PLPP1: variants seen among roughly 807,000 people sequenced by gnomAD.
PLPP1 encodes lipid phosphate phosphohydrolase 1a.
A neutral mutation model predicts 31.2 loss-of-function variants in PLPP1; 24 were observed. The ratio of observed to expected loss-of-function variants is 0.77; its 90% CI spans 0.56 to 1.08. The LOEUF (loss-of-function observed/expected upper bound fraction) is 1.08, where lower values mean the gene tolerates loss of function less well. Ranked by LOEUF, PLPP1 falls within the 50% of genes least tolerant of loss-of-function variation. The pLI is 0.00. For missense variants in PLPP1, 319 were observed against 342.7 expected (o/e 0.93, Z 0.55); for synonymous variants, 146 against 126.3 (o/e 1.16, Z -1.05).
At chr5:55,434,788 T>C (rs1467435635) in intron 4 of PLPP1, among the ~76,000 whole-genome samples, 2 of 152,168 alleles carry the variant, frequency 1.3e-5, no homozygotes, top group Non-Finnish European at 2.9e-5. Flanking sequence ...ATGTAAGACC[T>C]GAAACGATAA....
chr5:55,497,278 C>T (rs1339688830), intron 1 of PLPP1, among the ~76,000 whole-genome samples: 1 of 152,102 alleles, frequency 6.6e-6, no homozygotes, highest in Admixed American at 6.5e-5. Context: ...CTGGGTCTTA[C>T]TCTGTCACCT....
intron 4 of PLPP1, among the ~76,000 whole-genome samples, chr5:55,430,053 G>A (rs971865810): frequency 5.9e-5 from 9 of 152,032 alleles, no homozygotes; most frequent in African/African-American, 1.9e-4. Flanking sequence ...GGGGCCTCAG[G>A]AAGGGACCAT....
At chr5:55,467,788 C>A (rs909914356) in intron 3 of PLPP1, 81 bp downstream of exon 3, 3 of 1,401,868 alleles carry the variant, frequency 2.1e-6, no homozygotes, top group Non-Finnish European at 2.9e-6. Context: ...TTTTTAAGTG[C>A]GTGGCTTATC....
intron 2 of PLPP1, among the ~76,000 whole-genome samples, chr5:55,471,238 G>C (rs1209801876): frequency 6.7e-5 from 9 of 135,246 alleles, no homozygotes; most frequent in Non-Finnish European, 1.4e-4. Context: ...GTCTTGCTCT[G>C]TCGCCCAGGC....
intron 1 of PLPP1, among the ~76,000 whole-genome samples, chr5:55,523,871 A>T (rs898876304): frequency 6.6e-6 from 1 of 152,092 alleles, no homozygotes; most frequent in African/African-American, 2.4e-5. Flanking sequence ...CCCTTTAGAG[A>T]GCCTTCATTG....
At position 55,534,566 on chromosome 5, in the gene PLPP1, A is replaced by G. The variant is rs1327304048; in HGVS notation, c.58+6T>C. Reference sequence around the variant, plus strand: ...ACGCCCCTCGGACCCGGCGGCGCGTACGTACCCAGCAACACGCAGAGCACA... The same window carrying G: ...ACGCCCCTCGGACCCGGCGGCGCGTGCGTACCCAGCAACACGCAGAGCACA... On this transcript the variant is annotated splice_donor_region_variant and intron_variant, in intron 1 of 5. Transcript: ENST00000307259. 6.5e-7 allele frequency: 1 copy of G among 1,539,724 alleles called. No homozygotes were observed. Among genetic ancestry groups the G allele is most frequent in the Non-Finnish European group, 8.7e-7 (1 of 1,145,232 alleles).
At chr5:55,432,265 T>A (rs1751376863) in intron 4 of PLPP1, among the ~76,000 whole-genome samples, 1 of 152,072 alleles carries the variant, frequency 6.6e-6, no homozygotes, top group Non-Finnish European at 1.5e-5. Flanking sequence ...TGCTAACTGC[T>A]GTGCATGAAC....
intron 1 of PLPP1, among the ~76,000 whole-genome samples, chr5:55,525,271 A>G (rs1226993463): frequency 6.6e-6 from 1 of 152,252 alleles, no homozygotes; most frequent in African/African-American, 2.4e-5. Flanking sequence ...GGCACTTTAC[A>G]TATTGATTCA....
chr5:55,528,500 AAGCT>A (rs1398807819), intron 1 of PLPP1, among the ~76,000 whole-genome samples: 1 of 152,218 alleles, frequency 6.6e-6, no homozygotes, highest in Non-Finnish European at 1.5e-5. Context: ...ACTGGCCACG[AAGCT>A]AGCCTTCCAT....
chr5:55,519,461 A>G (rs1753617799), intron 1 of PLPP1, among the ~76,000 whole-genome samples: 1 of 152,218 alleles, frequency 6.6e-6, no homozygotes, highest in South Asian at 2.1e-4. Context: ...ATTTTAAGAA[A>G]AAAGTGGCCA....
intron 3 of PLPP1, among the ~76,000 whole-genome samples, chr5:55,443,790 TGACA>T (rs547553503): frequency 3.3e-5 from 5 of 152,364 alleles, no homozygotes; most frequent in African/African-American, 9.6e-5. Context: ...GCTATGACTT[TGACA>T]GACAGGGATT....
chr5:55,456,237 G>A (rs1479316118), intron 3 of PLPP1, among the ~76,000 whole-genome samples: 2 of 152,180 alleles, frequency 1.3e-5, no homozygotes, highest in East Asian at 3.8e-4. Context: ...CACTACAACT[G>A]AAGTCCAGTA....
intron 3 of PLPP1, among the ~76,000 whole-genome samples, chr5:55,457,354 TTAAAAGTGCAATC>T (rs1177750634): frequency 6.6e-6 from 1 of 151,904 alleles, no homozygotes; most frequent in Non-Finnish European, 1.5e-5. Context: ...TATACTTAGG[TTAAAAGTGCAATC>T]AAAGTAACAG....
chr5:55,500,956 AG>A (rs1175843546), intron 1 of PLPP1, among the ~76,000 whole-genome samples: 1 of 152,224 alleles, frequency 6.6e-6, no homozygotes, highest in Non-Finnish European at 1.5e-5. Flanking sequence ...TATCTGAAAA[AG>A]TCCTACCTAT....
chr5:55,513,933 G>A (rs13157895), intron 1 of PLPP1, among the ~76,000 whole-genome samples: 119,263 of 152,082 alleles, frequency 0.78, 47,704 homozygotes, highest in Non-Finnish European at 0.87. Flanking sequence ...TGGGGATTGA[G>A]AGCACATTTT....
intron 1 of PLPP1, among the ~76,000 whole-genome samples, chr5:55,486,422 T>A (rs1405350165): frequency 1.3e-5 from 2 of 151,732 alleles, no homozygotes; most frequent in African/African-American, 4.8e-5. Context: ...CCATCTCTAC[T>A]AAAAATACAA....
At position 55,479,564 on chromosome 5, in the gene PLPP1, G is replaced by C. The variant is rs141320757; in HGVS notation, c.59-4114C>G. Among the ~76,000 whole-genome samples, 43 of 152,316 alleles carry C rather than the reference G, an allele frequency of 2.8e-4. No individual in the cohort carries two copies. In the East Asian group the frequency reaches 8.3e-3, roughly 29 times the overall value. ...ACAACACTGAGCCATGTACAAGGAAGACTGGCTGAAGAAGAAGCTGAGAAC... is the reference window on the plus strand; with the variant it reads ...ACAACACTGAGCCATGTACAAGGAACACTGGCTGAAGAAGAAGCTGAGAAC... On this transcript the variant is annotated intron_variant, in intron 1 of 5. Coordinates refer to ENST00000307259, the MANE Select transcript of PLPP1 (RefSeq NM_003711.4).
intron 1 of PLPP1, among the ~76,000 whole-genome samples, chr5:55,500,581 A>T (rs371743656): frequency 3.9e-5 from 6 of 152,328 alleles, no homozygotes; most frequent in African/African-American, 1.4e-4. Context: ...TCCATGTTTG[A>T]ATATTTTATA....
intron 4 of PLPP1, among the ~76,000 whole-genome samples, chr5:55,438,330 A>G (rs919882330): frequency 3.3e-5 from 5 of 152,194 alleles, no homozygotes; most frequent in Admixed American, 1.3e-4. Flanking sequence ...GTTTTCACTG[A>G]TGCTGACACT....
Sources: allele counts gnomAD v4.1 joint callset (sites outside exome capture counted in the v4.1 genomes callset), GRCh38; gene constraint gnomAD v4.1.1; transcripts MANE v1.5; gene names NCBI Gene and HGNC (gene_info 2026-07-23, HGNC 2026-07-21).